WDR76: variants seen among roughly 807,000 people sequenced by gnomAD.
The protein encoded by WDR76 is WD repeat domain 76, also known as WD repeat-containing protein 76.
Under a neutral mutation model 70.2 loss-of-function variants are expected in WDR76, and 52 were observed. The observed-to-expected ratio is 0.74, with a 90% CI of 0.59 to 0.93. The LOEUF (loss-of-function observed/expected upper bound fraction) is 0.93. Among genes scored for constraint, WDR76 ranks in the 40% least tolerant of loss-of-function variants. WDR76 has a pLI of 0.00. For missense variants in WDR76, 756 were observed against 760.2 expected (o/e 0.99, Z 0.07); for synonymous variants, 292 against 271.1 (o/e 1.08, Z -0.76).
chr15:43,855,018 C>T (rs1016861048), intron 9 of WDR76, among the ~76,000 whole-genome samples: 10 of 151,810 alleles, frequency 6.6e-5, no homozygotes, highest in Non-Finnish European at 1.3e-4. Flanking sequence ...TAGTCATTCT[C>T]CTCCCATTGC....
chr15:43,838,940 C>T (rs2087689974), intron 4 of WDR76, among the ~76,000 whole-genome samples: 1 of 152,098 alleles, frequency 6.6e-6, no homozygotes, highest in Non-Finnish European at 1.5e-5. Context: ...TACTTTCAAT[C>T]AGTAGGTTTT....
intron 9 of WDR76, among the ~76,000 whole-genome samples, chr15:43,853,554 A>T (rs929579535): frequency 2.0e-5 from 3 of 152,174 alleles, no homozygotes; most frequent in African/African-American, 7.2e-5. Flanking sequence ...TAGCTTAATT[A>T]AAAAAGCTAA....
intron 12 of WDR76, among the ~76,000 whole-genome samples, chr15:43,862,636 G>A (rs912509650): frequency 1.3e-5 from 2 of 151,558 alleles, no homozygotes; most frequent in Non-Finnish European, 2.9e-5. Flanking sequence ...AGCCTCCTGA[G>A]TAGCTGGGAC....
intron 2 of WDR76, among the ~76,000 whole-genome samples, chr15:43,834,635 T>C (rs760037532): frequency 6.6e-6 from 1 of 152,022 alleles, no homozygotes. Context: ...TTAGTAGAGA[T>C]GAGGTTTCAC....
At chr15:43,836,338 C>G (rs2087656370) in intron 4 of WDR76, 122 bp downstream of exon 4, 1 of 683,248 alleles carries the variant, frequency 1.5e-6, no homozygotes, top group South Asian at 3.6e-5. Context: ...ATCTCAGTCC[C>G]TCTAGGATCT....
intron 5 of WDR76, among the ~76,000 whole-genome samples, chr15:43,840,090 C>T (rs2087706228): frequency 6.6e-6 from 1 of 152,028 alleles, no homozygotes; most frequent in East Asian, 1.9e-4. Flanking sequence ...AACTCCTGAC[C>T]TGAAGTGGTC....
intron 4 of WDR76, 79 bp from the exon 5 acceptor site, chr15:43,839,526 T>C: frequency 7.0e-7 from 1 of 1,427,230 alleles, no homozygotes; most frequent in Non-Finnish European, 9.4e-7. Flanking sequence ...TATATATTCC[T>C]AGAAGTTATC....
At chr15:43,839,818 T>C (rs1249191095) in intron 5 of WDR76, 90 bp downstream of exon 5, 2 of 1,350,298 alleles carry the variant, frequency 1.5e-6, no homozygotes. Context: ...CATTAAATTA[T>C]GTTTAATTTT....
chr15:43,855,889 A>G (rs2087920605), intron 9 of WDR76, among the ~76,000 whole-genome samples: 1 of 151,988 alleles, frequency 6.6e-6, no homozygotes, highest in African/African-American at 2.4e-5. Flanking sequence ...TATTTACAGT[A>G]AATCAGATAT....
chr15:43,827,962 T>C lies in WDR76; in HGVS notation c.61-3T>C. The C allele has an allele frequency of 2.5e-6, 4 of 1,599,506 alleles. No individual in the cohort carries two copies. The highest frequency in any genetic ancestry group is 3.4e-6 in the Non-Finnish European group (4 of 1,175,306). ...TTCTGTTTTCTTTTATTGATCTGAATAGGTAAATGAATATAAAGAAAATCA... is the reference window on the plus strand; with the variant it reads ...TTCTGTTTTCTTTTATTGATCTGAACAGGTAAATGAATATAAAGAAAATCA... On this transcript the variant is annotated splice_polypyrimidine_tract_variant and splice_region_variant and intron_variant, in intron 1 of 12. Coordinates refer to ENST00000263795, the MANE Select transcript of WDR76 (RefSeq NM_024908.4).
intron 2 of WDR76, among the ~76,000 whole-genome samples, chr15:43,831,090 G>T (rs556578755): frequency 1.2e-4 from 18 of 151,606 alleles, no homozygotes; most frequent in Admixed American, 2.0e-4. Context: ...AATTAGCCAG[G>T]CGTGGTGGCA....
intron 8 of WDR76, among the ~76,000 whole-genome samples, chr15:43,848,916 C>T (rs978981171): frequency 4.7e-5 from 7 of 147,924 alleles, no homozygotes; most frequent in East Asian, 3.9e-4. Context: ...CCAGCCTGGG[C>T]GACAGAGTTG....
intron 11 of WDR76, among the ~76,000 whole-genome samples, chr15:43,859,423 T>A (rs2087969876): frequency 6.6e-6 from 1 of 152,220 alleles, no homozygotes; most frequent in Admixed American, 6.5e-5. Context: ...TTTTGTTCTC[T>A]TTTAGAATCC....
chr15:43,836,258 C>T lies in WDR76; in HGVS notation c.608+42C>T, dbSNP rs185099787. 593 of 1,569,782 alleles carry T rather than the reference C, an allele frequency of 3.8e-4. 7 individuals carry two copies. In the East Asian group the frequency reaches 0.012, roughly 32 times the overall value. On this transcript the variant is annotated intron_variant, in intron 4 of 12. Transcript: ENST00000263795. Reference sequence around the variant, plus strand: ...GCAATGCCTGAACCATGATACATTGCTCAACTGTTTTATAATTTGAAAAAA... The same window carrying T: ...GCAATGCCTGAACCATGATACATTGTTCAACTGTTTTATAATTTGAAAAAA...
chr15:43,849,036 A>G (rs1173722825), intron 8 of WDR76, among the ~76,000 whole-genome samples: 1 of 150,810 alleles, frequency 6.6e-6, no homozygotes, highest in African/African-American at 2.4e-5. Flanking sequence ...TTAGCCAAGC[A>G]TGGTGGTGGG....
chr15:43,848,298 T>C (rs1161123952), intron 8 of WDR76, among the ~76,000 whole-genome samples: 2 of 152,116 alleles, frequency 1.3e-5, no homozygotes, highest in Non-Finnish European at 1.5e-5. Flanking sequence ...TAATGTAGTA[T>C]ACTTCAAAAA....
chr15:43,866,614 C>T lies in WDR76; in HGVS notation c.*222C>T, dbSNP rs528134607. The T allele has an allele frequency of 1.1e-4, 46 of 416,238 alleles. No homozygotes were observed. The highest frequency in any genetic ancestry group is 4.2e-4 in the Admixed American group (10 of 23,858). 25.8% of individuals were successfully genotyped at this position (416,238 alleles called of 1,614,324 possible). A position where few individuals can be genotyped will look rare whatever the true frequency, so the allele number is the denominator to read the frequency against. On this transcript the variant is annotated 3_prime_UTR_variant, in exon 13 of 13. Coordinates refer to ENST00000263795, the MANE Select transcript of WDR76 (RefSeq NM_024908.4). ...GGAATTTGAGGGGAGGCTGAGGTGC[C>T]GTCAGGACTTTTTTTTTTTTTTTTT...
chr15:43,836,076 G>A, intron 3 of WDR76, 85 bp from the exon 4 acceptor site: 3 of 1,239,494 alleles, frequency 2.4e-6, no homozygotes, highest in South Asian at 3.3e-5. Context: ...CCTTAGTTTA[G>A]TGTGGGTATA....
chr15:43,851,208 T>TA lies in WDR76; in HGVS notation c.1155dup (p.Arg386ThrfsTer11), dbSNP rs2087855638. 1 of 1,614,206 alleles carries TA rather than the reference T, an allele frequency of 6.2e-7. No individual in the cohort carries two copies. Among genetic ancestry groups the TA allele is most frequent in the Non-Finnish European group, 8.5e-7 (1 of 1,180,030 alleles). On this transcript the variant is annotated frameshift_variant, in exon 9 of 13. Coordinates refer to ENST00000263795, the MANE Select transcript of WDR76 (RefSeq NM_024908.4). LOFTEE classifies it high-confidence loss of function. ...CTGTCACTGAGCTATGATGGCACGT[T>TA]ACGCTGTGGGGATTTTTCCAGGGCT... is the stretch of plus-strand genomic sequence containing the variant.
Sources: allele counts gnomAD v4.1 joint callset (sites outside exome capture counted in the v4.1 genomes callset), GRCh38; gene constraint gnomAD v4.1.1; transcripts MANE v1.5; gene names NCBI Gene and HGNC (gene_info 2026-07-23, HGNC 2026-07-21).